The following NCK2 variants were observed in gnomAD, a reference collection of about 807,000 sequenced individuals.
NCK2 encodes NCK adaptor protein 2, also known as cytoplasmic protein NCK2.
A neutral mutation model predicts 33.9 loss-of-function variants in NCK2; 16 were observed. That is an observed-to-expected ratio of 0.47 (90% CI 0.32 to 0.72). The LOEUF (loss-of-function observed/expected upper bound fraction) is 0.72. Ranked by LOEUF, NCK2 falls within the 30% of genes least tolerant of loss-of-function variation. NCK2 has a pLI of 0.03. For missense variants in NCK2, 418 were observed against 537.3 expected (o/e 0.78, Z 2.19); for synonymous variants, 273 against 239.9 (o/e 1.14, Z -1.27).
At chr2:105,869,126 G>A (rs554772541) in intron 3 of NCK2, among the ~76,000 whole-genome samples, 1 of 152,314 alleles carries the variant, frequency 6.6e-6, no homozygotes, top group South Asian at 2.1e-4. Flanking sequence ...CCCCTAGCCT[G>A]TTCATACGTG....
chr2:105,804,105 G>A (rs543765707), intron 1 of NCK2, among the ~76,000 whole-genome samples: 6 of 152,206 alleles, frequency 3.9e-5, no homozygotes, highest in Middle Eastern at 3.4e-3. Flanking sequence ...AGGCAGTGGC[G>A]ACTCTCAGGA....
intron 1 of NCK2, among the ~76,000 whole-genome samples, chr2:105,762,463 A>T (rs964816778): frequency 1.3e-5 from 2 of 152,210 alleles, no homozygotes; most frequent in Non-Finnish European, 2.9e-5. Context: ...GCTGAAGCTC[A>T]TGTCCCAGGG....
chr2:105,844,582 A>C (rs1245943316), intron 2 of NCK2, among the ~76,000 whole-genome samples: 1 of 150,534 alleles, frequency 6.6e-6, no homozygotes, highest in African/African-American at 2.4e-5. Context: ...AACAAAAAAA[A>C]AAAAAAACAG....
intron 1 of NCK2, among the ~76,000 whole-genome samples, chr2:105,788,892 T>TA: frequency 6.6e-6 from 1 of 152,368 alleles, no homozygotes; most frequent in East Asian, 1.9e-4. Context: ...GCGGATCTCT[T>TA]ATCTGCTCGT....
intron 2 of NCK2, among the ~76,000 whole-genome samples, chr2:105,842,030 G>A (rs1676668021): frequency 6.6e-6 from 1 of 152,240 alleles, no homozygotes; most frequent in Admixed American, 6.5e-5. Context: ...GTGAGAGTTA[G>A]ATTTAAGCAG....
chr2:105,865,991 C>T (rs977911062), intron 3 of NCK2, among the ~76,000 whole-genome samples: 1 of 151,918 alleles, frequency 6.6e-6, no homozygotes, highest in Non-Finnish European at 1.5e-5. Context: ...CTTGGCTCAC[C>T]GCAACCTCCG....
chr2:105,881,237 G>A, intron 3 of NCK2, 91 bp from the exon 4 acceptor site: 1 of 1,488,344 alleles, frequency 6.7e-7, no homozygotes, highest in Non-Finnish European at 8.9e-7. Context: ...GTATTTAACC[G>A]CCAGAGAAAC....
At chr2:105,780,461 C>T (rs1273500802) in intron 1 of NCK2, among the ~76,000 whole-genome samples, 2 of 152,098 alleles carry the variant, frequency 1.3e-5, no homozygotes, top group Non-Finnish European at 2.9e-5. Flanking sequence ...TCCTCAAATC[C>T]TGCTTCTCGC....
chr2:105,775,024 TAATAATA>T (rs1690257150), intron 1 of NCK2, among the ~76,000 whole-genome samples: 1 of 152,046 alleles, frequency 6.6e-6, no homozygotes, highest in Admixed American at 6.5e-5. Flanking sequence ...ACAATGATAA[TAATAATA>T]TAATAATAAT....
At chr2:105,852,561 C>G (rs913983318) in intron 2 of NCK2, among the ~76,000 whole-genome samples, 2 of 152,150 alleles carry the variant, frequency 1.3e-5, no homozygotes, top group African/African-American at 4.8e-5. Flanking sequence ...ACTTAACTAC[C>G]CTTCATGCAG....
chr2:105,811,613 C>A (rs1675296030), intron 1 of NCK2, among the ~76,000 whole-genome samples: 2 of 152,170 alleles, frequency 1.3e-5, no homozygotes, highest in African/African-American at 4.8e-5. Flanking sequence ...GATTGAGGCC[C>A]TGAGTTTTGG....
intron 3 of NCK2, among the ~76,000 whole-genome samples, chr2:105,872,415 C>G (rs1428794664): frequency 6.6e-6 from 1 of 152,206 alleles, no homozygotes; most frequent in Non-Finnish European, 1.5e-5. Context: ...CGGGTACTTC[C>G]TGTCCTCACC....
rs1173637329 is a variant in NCK2 at position 105,893,285 on chromosome 2, GTC to G, written c.*115_*116del. On this transcript the variant is annotated 3_prime_UTR_variant, in exon 5 of 5. Transcript: ENST00000233154. ...GACGGCCCCGACGGCTTCTCTGCGA[GTC>G]TCTCTTTATGTTCAGGTCGCTTGGT... is the stretch of plus-strand genomic sequence containing the variant. 6 of 1,108,664 alleles carry G rather than the reference GTC, an allele frequency of 5.4e-6. No homozygotes were observed. In the African/African-American group the frequency reaches 9.4e-5, roughly 17 times the overall value. The allele number at this position is 1,108,664 out of a possible 1,614,324, so 68.7% of individuals were successfully genotyped here.
intron 4 of NCK2, among the ~76,000 whole-genome samples, chr2:105,883,000 C>A (rs1330295645): frequency 6.6e-6 from 1 of 152,152 alleles, no homozygotes; most frequent in Non-Finnish European, 1.5e-5. Flanking sequence ...ATTCAAGGGT[C>A]CTGTTGACTG....
At chr2:105,802,145 G>T (rs1172445278) in intron 1 of NCK2, among the ~76,000 whole-genome samples, 1 of 152,172 alleles carries the variant, frequency 6.6e-6, no homozygotes, top group East Asian at 1.9e-4. Flanking sequence ...GACCATCTGG[G>T]AGTGAGCCAG....
At chr2:105,782,903 C>T (rs1344376613) in intron 1 of NCK2, among the ~76,000 whole-genome samples, 1 of 152,212 alleles carries the variant, frequency 6.6e-6, no homozygotes, top group Non-Finnish European at 1.5e-5. Context: ...GCAGTTACTC[C>T]AGACACTTGT....
chr2:105,767,093 C>T (rs1302849576), intron 1 of NCK2, among the ~76,000 whole-genome samples: 1 of 152,222 alleles, frequency 6.6e-6, no homozygotes, highest in Non-Finnish European at 1.5e-5. Context: ...TGCTGGGTTC[C>T]TGGTGCCTGC....
chr2:105,827,635 G>C (rs1676003845), intron 2 of NCK2, among the ~76,000 whole-genome samples: 1 of 152,326 alleles, frequency 6.6e-6, no homozygotes, highest in Middle Eastern at 3.4e-3. Context: ...AAATTTCAAA[G>C]CATTGAAATC....
chr2:105,800,144 C>G (rs1454575196), intron 1 of NCK2, among the ~76,000 whole-genome samples: 1 of 152,180 alleles, frequency 6.6e-6, no homozygotes, highest in African/African-American at 2.4e-5. Context: ...AGCCATGTAG[C>G]CTGGCTGCAC....
Sources: allele counts gnomAD v4.1 joint callset (sites outside exome capture counted in the v4.1 genomes callset), GRCh38; gene constraint gnomAD v4.1.1; transcripts MANE v1.5; gene names NCBI Gene and HGNC (gene_info 2026-07-23, HGNC 2026-07-21).